The following ADGRV1 variants were observed in gnomAD, a reference collection of about 807,000 sequenced individuals.
ADGRV1 encodes the protein adhesion G protein-coupled receptor V1, also known as G-protein coupled receptor 98.
ADGRV1 carries 359 observed loss-of-function variants against 596.2 expected under a neutral mutation model. The observed-to-expected ratio is 0.60, with a 90% CI of 0.55 to 0.66. The LOEUF is 0.66. ADGRV1 is among the 30% of genes least tolerant of loss of function. The pLI is 0.00. For missense variants in ADGRV1, 7,274 were observed against 7,575.6 expected, an observed-to-expected ratio of 0.96 and a Z score of 1.48; for synonymous variants, 2,681 against 2,679.2, an observed-to-expected ratio of 1.00 and a Z score of -0.02.
intron 21 of ADGRV1, among the ~76,000 whole-genome samples, chr5:90,671,970 A>C: frequency 6.6e-6 from 1 of 152,156 alleles, no homozygotes. Context: ...CTTTGATCTG[A>C]CTGTTGTTCC....
chr5:90,997,607 A>G (rs1025120254), intron 85 of ADGRV1, among the ~76,000 whole-genome samples: 2 of 152,232 alleles, frequency 1.3e-5, no homozygotes, highest in African/African-American at 2.4e-5. Flanking sequence ...ACTGAAATAC[A>G]AAGACCTAAA....
chr5:90,667,321 T>G (rs956966488), intron 21 of ADGRV1, among the ~76,000 whole-genome samples: 1 of 141,494 alleles, frequency 7.1e-6, no homozygotes, highest in African/African-American at 2.7e-5. Context: ...TTTTTATTCT[T>G]TTTTCTCTAA....
chr5:90,620,298 TG>T (rs1242999008), intron 4 of ADGRV1, among the ~76,000 whole-genome samples: 2 of 152,124 alleles, frequency 1.3e-5, no homozygotes, highest in Non-Finnish European at 2.9e-5. Flanking sequence ...CCATTCTAAC[TG>T]GTGTGAGATG....
At position 90,716,731 on chromosome 5, in the gene ADGRV1, T is replaced by G; in HGVS notation, c.9447+2T>G. ...TTAGAAGAAGGTGTTCGATTCAAGG[T>G]ACAGTAAGAAGCTTTAATGAGAATG... On this transcript the variant is annotated splice_donor_variant, in intron 43 of 89. Transcript: ENST00000405460. LOFTEE classifies it high-confidence loss of function. 6.2e-7 allele frequency: 1 copy of G among 1,607,734 alleles called. No homozygotes were observed. Among genetic ancestry groups the G allele is most frequent in the Non-Finnish European group, 8.5e-7 (1 of 1,175,210 alleles).
At position 90,671,188 on chromosome 5, in the gene ADGRV1, A is replaced by G. The variant is rs79088705; in HGVS notation, c.4753-1358A>G. ...GCTGGTATCTGTTTCTGTGTCCCCAATAACTAGAATGCAGAGGCTCAGGCA... is the reference window on the plus strand; with the variant it reads ...GCTGGTATCTGTTTCTGTGTCCCCAGTAACTAGAATGCAGAGGCTCAGGCA... On this transcript the variant is annotated intron_variant, in intron 21 of 89. Transcript: ENST00000405460. 6.6e-4 allele frequency among the ~76,000 whole-genome samples: 100 copies of G among 152,304 alleles called. 1 individual carries two copies. In the East Asian group the frequency reaches 0.014, roughly 22 times the overall value.
chr5:90,896,520 C>G (rs867277421), intron 83 of ADGRV1, among the ~76,000 whole-genome samples: 1 of 151,486 alleles, frequency 6.6e-6, no homozygotes, highest in Non-Finnish European at 1.5e-5. Flanking sequence ...AGGGATTGAC[C>G]CCCCTCAGCC....
At chr5:91,054,313 T>G (rs564125786) in intron 85 of ADGRV1, among the ~76,000 whole-genome samples, 84 of 152,016 alleles carry the variant, frequency 5.5e-4, no homozygotes, top group Middle Eastern at 3.4e-3. Context: ...CTTAAAACCT[T>G]TTTTAGGCAC....
In ADGRV1 at chr5:91,102,334, T is replaced by C; in HGVS notation, c.18426T>C (p.Ser6142=). The C allele has an allele frequency of 6.3e-7, 1 of 1,592,856 alleles. No homozygotes were observed. The highest frequency in any genetic ancestry group is 8.5e-7 in the Non-Finnish European group (1 of 1,170,230). ...TGGTTCTCTTTGTCATTTTCAACAGTCTGCAGGTAAGCCTTACAATTTGGT... is the reference window on the plus strand; with the variant it reads ...TGGTTCTCTTTGTCATTTTCAACAGCCTGCAGGTAAGCCTTACAATTTGGT... ...WMLVLFVIFN[S]LQGLYVFMVY... Residue 6142 remains serine, a synonymous_variant, in exon 87 of 90, where the codon AGT becomes AGC. Coordinates refer to ENST00000405460, the MANE Select transcript of ADGRV1 (RefSeq NM_032119.4).
Position 90,676,187 on chromosome 5 carries a change from G to A in ADGRV1, c.5421G>A (p.Glu1807=), listed in dbSNP as rs753431087. The A allele has an allele frequency of 6.2e-7, 1 of 1,605,318 alleles. No homozygotes were observed. Among genetic ancestry groups the A allele is most frequent in the Non-Finnish European group, 8.5e-7 (1 of 1,176,408 alleles). The change falls in exon 25 of 90, where the codon GAG becomes GAA. Residue 1807 remains glutamate (E), a synonymous_variant. Transcript: ENST00000405460. ...IPELEKSFKV[E]LLNLEGGVAE... ...AACTGGAAAAATCTTTTAAAGTTGA[G>A]TTGTTAAACTTGGAAGGAGGAGGTA... is the stretch of plus-strand genomic sequence containing the variant.
intron 85 of ADGRV1, among the ~76,000 whole-genome samples, chr5:90,999,400 T>C (rs965375611): frequency 1.5e-4 from 23 of 152,018 alleles, no homozygotes; most frequent in African/African-American, 5.1e-4. Context: ...TGAAAACATA[T>C]GTTGCCATAA....
At chr5:90,795,218 C>T (rs1046825923) in intron 70 of ADGRV1, among the ~76,000 whole-genome samples, 4 of 152,024 alleles carry the variant, frequency 2.6e-5, no homozygotes, top group Non-Finnish European at 5.9e-5. Flanking sequence ...GGTCCCACCC[C>T]CAAGGAGCCC....
At chr5:91,018,247 T>G (rs1463069944) in intron 85 of ADGRV1, among the ~76,000 whole-genome samples, 1 of 151,950 alleles carries the variant, frequency 6.6e-6, no homozygotes, top group Non-Finnish European at 1.5e-5. Flanking sequence ...TAGACTGCAA[T>G]TCTCCCTGCC....
intron 1 of ADGRV1, among the ~76,000 whole-genome samples, chr5:90,608,642 C>G (rs961145758): frequency 2.0e-5 from 3 of 152,054 alleles, no homozygotes; most frequent in Admixed American, 1.3e-4. Context: ...AAACATTTAT[C>G]TTTACATAAG....
intron 83 of ADGRV1, among the ~76,000 whole-genome samples, chr5:90,960,094 G>C (rs557476207): frequency 6.7e-6 from 1 of 149,204 alleles, no homozygotes; most frequent in Non-Finnish European, 1.5e-5. Flanking sequence ...AGCCGAGATC[G>C]CGCCACTGCA....
chr5:90,560,379 T>C (rs1218115258), intron 1 of ADGRV1, among the ~76,000 whole-genome samples: 1 of 152,176 alleles, frequency 6.6e-6, no homozygotes, highest in Non-Finnish European at 1.5e-5. Flanking sequence ...ATGCCTGCTA[T>C]GTAGTGAATT....
At chr5:90,878,691 C>A (rs1049607868) in intron 83 of ADGRV1, among the ~76,000 whole-genome samples, 3 of 152,190 alleles carry the variant, frequency 2.0e-5, no homozygotes, top group African/African-American at 7.2e-5. Flanking sequence ...CAAACTCCAA[C>A]ATAGTCATGA....
chr5:90,804,596 A>C (rs1761724461), intron 71 of ADGRV1, among the ~76,000 whole-genome samples: 1 of 152,212 alleles, frequency 6.6e-6, no homozygotes. Flanking sequence ...CTCTTGATTA[A>C]ATGGTATCCC....
intron 1 of ADGRV1, among the ~76,000 whole-genome samples, chr5:90,594,936 TC>T (rs1204523116): frequency 2.7e-5 from 4 of 148,624 alleles, no homozygotes; most frequent in South Asian, 4.3e-4. Flanking sequence ...TCCCCACCTT[TC>T]CCCCCTTTCT....
chr5:90,935,714 G>C (rs1775624745), intron 83 of ADGRV1, among the ~76,000 whole-genome samples: 1 of 152,160 alleles, frequency 6.6e-6, no homozygotes, highest in African/African-American at 2.4e-5. Context: ...AGCACAATTA[G>C]GAAGGACAGA....
Sources: allele counts gnomAD v4.1 joint callset (sites outside exome capture counted in the v4.1 genomes callset), GRCh38; gene constraint gnomAD v4.1.1; transcripts MANE v1.5; gene names NCBI Gene and HGNC (gene_info 2026-07-23, HGNC 2026-07-21).